The following NLGN4X variants were observed in gnomAD, a reference collection of about 807,000 sequenced individuals.
NLGN4X encodes neuroligin-4, X-linked.
NLGN4X carries 3 observed loss-of-function variants against 40.3 expected under a neutral mutation model. The observed-to-expected ratio is 0.07, with a 90% CI of 0.03 to 0.19. The LOEUF (loss-of-function observed/expected upper bound fraction) is 0.19, where lower values mean the gene tolerates loss of function less well. Ranked by LOEUF, NLGN4X falls within the 10% of genes least tolerant of loss-of-function variation. The probability of loss-of-function intolerance (pLI) is 1.00; values close to 1 mark genes in which losing one functional copy is unlikely to be tolerated. For synonymous variants in NLGN4X, 270 were observed against 306.8 expected (o/e 0.88, Z 1.25); for missense variants, 382 against 708.3 (o/e 0.54, Z 5.23).
intron 2 of NLGN4X, among the ~76,000 whole-genome samples, chrX:6,055,644 A>G (rs2037605587): frequency 1.1e-5 from 1 of 89,124 alleles, no homozygotes; most frequent in African/African-American, 3.9e-5. Context: ...TTTAAAAATA[A>G]TAATAAAATA....
chrX:6,208,466 G>A (rs1352851636), intron 1 of NLGN4X, among the ~76,000 whole-genome samples: 1 of 111,960 alleles, frequency 8.9e-6, no homozygotes. Context: ...AATTCATAAA[G>A]TCTATTCTGG....
intron 3 of NLGN4X, among the ~76,000 whole-genome samples, chrX:5,933,610 GATAAC>G (rs2033633485): frequency 8.9e-6 from 1 of 111,739 alleles, no homozygotes; most frequent in Non-Finnish European, 1.9e-5. Flanking sequence ...ATAAAAAATA[GATAAC>G]AGAGTTTTAA....
At chrX:6,199,903 A>G (rs1024645238) in intron 1 of NLGN4X, among the ~76,000 whole-genome samples, 1 of 111,961 alleles carries the variant, frequency 8.9e-6, no homozygotes, top group Admixed American at 9.5e-5. Flanking sequence ...CAATCAAGGA[A>G]GATCGATATT....
rs1393289856 is a variant in NLGN4X, at chrX:5,903,361, G to A, written c.1317C>T (p.Thr439=). The A allele has an allele frequency of 8.3e-7, 1 of 1,209,573 alleles. No individual in the cohort carries two copies. The highest frequency in any genetic ancestry group is 1.8e-5 in the African/African-American group (1 of 57,067). ...DKENPETRRK[T]LVALFTDHQW... ...GGTGGTCAGTAAAGAGAGCCACCAGGGTTTTCCGCCGCGTCTCCGGGTTTT... is the reference window on the plus strand; with the variant it reads ...GGTGGTCAGTAAAGAGAGCCACCAGAGTTTTCCGCCGCGTCTCCGGGTTTT... Residue 439 remains threonine, a synonymous_variant, in exon 5 of 6, where the codon ACC becomes ACT. Transcript: ENST00000381095.
At chrX:6,219,344 T>TTCCC (rs1172414363) in intron 1 of NLGN4X, among the ~76,000 whole-genome samples, 4 of 103,103 alleles carry the variant, frequency 3.9e-5, no homozygotes, top group Non-Finnish European at 5.9e-5. Flanking sequence ...CCTTCCTTCC[T>TTCCC]TCCCTCCTTC....
rs2031325274 is a variant in NLGN4X, at chrX:5,893,610, C to T, written c.1658G>A (p.Arg553His). The change falls in exon 6 of 6, where the codon CGC (arginine) becomes CAC (histidine). Residue 553 changes from arginine to histidine, a missense_variant. This residue lies in a region of NLGN4X where 149 missense variants were observed against 375.8 expected (regional missense o/e 0.40). Coordinates refer to ENST00000381095, the MANE Select transcript of NLGN4X (RefSeq NM_181332.3). ...DTKFIHTKPN[R>H]FEEVAWSKYN... ...CTTGGACCAGGCCACTTCTTCAAAG[C>T]GGTTGGGTTTTGTGTGAATGAACTT... 2 of 1,210,973 alleles carry T rather than the reference C, an allele frequency of 1.7e-6. No individual in the cohort carries two copies. Among genetic ancestry groups the T allele is most frequent in the Non-Finnish European group, 2.2e-6 (2 of 895,320 alleles).
chrX:5,927,107 G>C, intron 3 of NLGN4X, among the ~76,000 whole-genome samples: 1 of 111,221 alleles, frequency 9.0e-6, no homozygotes, highest in Middle Eastern at 4.7e-3. Flanking sequence ...TTTTTCTTCT[G>C]TATGATCTTT....
At chrX:6,031,665 C>A (rs1472192598) in intron 2 of NLGN4X, among the ~76,000 whole-genome samples, 3 of 110,582 alleles carry the variant, frequency 2.7e-5, no homozygotes, top group Admixed American at 1.9e-4. Context: ...CCAGCCAGGA[C>A]CTTAATGGAG....
intron 5 of NLGN4X, among the ~76,000 whole-genome samples, chrX:5,901,053 G>A (rs1187628294): frequency 8.9e-6 from 1 of 111,942 alleles, no homozygotes; most frequent in African/African-American, 3.2e-5. Flanking sequence ...TTCTCCTCTG[G>A]GTAGCCTTTC....
intron 2 of NLGN4X, among the ~76,000 whole-genome samples, chrX:6,116,020 G>T (rs966392348): frequency 1.8e-5 from 2 of 109,959 alleles, no homozygotes; most frequent in African/African-American, 6.7e-5. Flanking sequence ...GAGGCTGGGC[G>T]CGGTGGCTCA....
chrX:6,073,447 T>G (rs932024118), intron 2 of NLGN4X, among the ~76,000 whole-genome samples: 4 of 112,349 alleles, frequency 3.6e-5, no homozygotes, highest in African/African-American at 1.3e-4. Flanking sequence ...ATTGTTCCCA[T>G]TGGTGACATT....
chrX:6,069,265 G>C (rs1186855115), intron 2 of NLGN4X, among the ~76,000 whole-genome samples: 1 of 98,199 alleles, frequency 1.0e-5, no homozygotes, highest in Non-Finnish European at 2.0e-5. Context: ...TCTAGCCAGG[G>C]TGACAGAGCA....
intron 5 of NLGN4X, among the ~76,000 whole-genome samples, chrX:5,894,692 A>G (rs1296462438): frequency 8.9e-6 from 1 of 112,324 alleles, no homozygotes; most frequent in Non-Finnish European, 1.9e-5. Context: ...CATCTTTGCA[A>G]CTGACTCTTT....
chrX:6,041,433 T>C (rs770650246), intron 2 of NLGN4X, among the ~76,000 whole-genome samples: 20 of 112,378 alleles, frequency 1.8e-4, no homozygotes, highest in Admixed American at 1.7e-3. Context: ...CAGGTTTCCT[T>C]TAGAACTTTT....
Position 6,000,565 on chromosome X carries a change from TA to T in NLGN4X, c.625+28714del, listed in dbSNP as rs371085231. Among the ~76,000 whole-genome samples the T allele has an allele frequency of 4.1e-3, 434 of 105,182 alleles. 4 individuals carry two copies. Among genetic ancestry groups the T allele is most frequent in the African/African-American group, 0.014 (398 of 29,165 alleles). 91.3% of individuals were successfully genotyped at this position (105,182 alleles called of 115,157 possible). On this transcript the variant is annotated intron_variant, in intron 3 of 5. Transcript: ENST00000381095. ...GGTTGTGCCATCGTCCTGTTGAACA[TA>T]AAAAAAAAAATCATGGAACAACAAC...
intron 2 of NLGN4X, among the ~76,000 whole-genome samples, chrX:6,138,250 AT>A (rs1237852936): frequency 4.5e-5 from 5 of 112,262 alleles, no homozygotes; most frequent in African/African-American, 1.6e-4. Context: ...AAGATCTCAC[AT>A]AAACTCTGGG....
intron 3 of NLGN4X, among the ~76,000 whole-genome samples, chrX:5,965,357 T>C (rs2034798679): frequency 8.9e-6 from 1 of 112,091 alleles, no homozygotes; most frequent in East Asian, 2.8e-4. Context: ...AGTCAATAAA[T>C]GGACCATGCA....
At chrX:5,895,042 G>A (rs1322648992) in intron 5 of NLGN4X, among the ~76,000 whole-genome samples, 1 of 112,381 alleles carries the variant, frequency 8.9e-6, no homozygotes, top group African/African-American at 3.2e-5. Context: ...CAGGACCAAG[G>A]AAGATCATGT....
chrX:6,188,295 G>A (rs1922254221), intron 1 of NLGN4X, among the ~76,000 whole-genome samples: 1 of 111,567 alleles, frequency 9.0e-6, no homozygotes, highest in African/African-American at 3.3e-5. Flanking sequence ...TTTAATTTCC[G>A]AGAAGACGAA....
Sources: gnomAD v4.1 joint callset for allele counts (sites outside exome capture counted in the v4.1 genomes callset) on GRCh38, gnomAD v4.1.1 for gene constraint, gnomAD v4.1.1 regional missense constraint, MANE v1.5 for transcripts, NCBI Gene and HGNC (gene_info 2026-07-23, HGNC 2026-07-21) for gene names.